Variants in PKNOX2 observed in about 807,000 individuals in gnomAD.
PKNOX2 encodes the protein homeobox protein PKNOX2.
Under a neutral mutation model 53.1 loss-of-function variants are expected in PKNOX2, and 14 were observed. The ratio of observed to expected loss-of-function variants is 0.26; its 90% confidence interval spans 0.17 to 0.41. The LOEUF (loss-of-function observed/expected upper bound fraction) is 0.41, where lower values mean the gene tolerates loss of function less well. Ranked by LOEUF, PKNOX2 falls within the 10% of genes least tolerant of loss-of-function variation. The probability of loss-of-function intolerance (pLI) is 1.00; values close to 1 mark genes in which losing one functional copy is unlikely to be tolerated. For missense variants in PKNOX2, 496 were observed against 602.8 expected (o/e 0.82, Z 1.85); for synonymous variants, 257 against 242.8 (o/e 1.06, Z -0.54).
chr11:125,413,564 G>C (rs1955693216), intron 10 of PKNOX2, among the ~76,000 whole-genome samples: 1 of 152,192 alleles, frequency 6.6e-6, no homozygotes, highest in Non-Finnish European at 1.5e-5. Context: ...TCATTGTGGT[G>C]GGTGACATAC....
intron 3 of PKNOX2, among the ~76,000 whole-genome samples, chr11:125,334,882 G>A (rs1950348101): frequency 6.6e-6 from 1 of 152,076 alleles, no homozygotes; most frequent in Non-Finnish European, 1.5e-5. Context: ...GTGATTACAG[G>A]CATGAGCCAC....
chr11:125,242,445 T>C (rs1943233674), intron 2 of PKNOX2, among the ~76,000 whole-genome samples: 1 of 152,122 alleles, frequency 6.6e-6, no homozygotes, highest in Non-Finnish European at 1.5e-5. Context: ...GGTTCATACA[T>C]GTTCTAGGAT....
intron 4 of PKNOX2, among the ~76,000 whole-genome samples, chr11:125,356,568 TC>T (rs764787629): frequency 3.3e-5 from 5 of 152,178 alleles, no homozygotes; most frequent in Non-Finnish European, 7.3e-5. Context: ...GAGAATGGTG[TC>T]TGGGACTCCA....
intron 2 of PKNOX2, among the ~76,000 whole-genome samples, chr11:125,302,467 TAGCC>T (rs1263533374): frequency 3.9e-5 from 6 of 152,210 alleles, no homozygotes; most frequent in South Asian, 2.1e-4. Flanking sequence ...TCACAGCCTT[TAGCC>T]GGCTGGCCCA....
At chr11:125,197,822 G>C (rs1208222266) in intron 1 of PKNOX2, among the ~76,000 whole-genome samples, 2 of 152,142 alleles carry the variant, frequency 1.3e-5, no homozygotes, top group Non-Finnish European at 2.9e-5. Context: ...GTGATCTCAG[G>C]GTGGGTCATC....
rs776657292 is a variant in PKNOX2 at position 125,410,810 on chromosome 11, A to G, written c.750A>G (p.Val250=). The G allele has an allele frequency of 1.4e-5, 22 of 1,613,886 alleles. No homozygotes were observed. Among genetic ancestry groups the G allele is most frequent in the Non-Finnish European group, 1.6e-5 (19 of 1,179,988 alleles). Residue 250 remains valine, a synonymous_variant, in exon 9 of 13, where the codon GTA becomes GTG. Transcript: ENST00000298282. ...GGALYQPVTM[V]TSQGQVVTQA... ...CCTTATACCAACCGGTTACCATGGT[A>G]ACCTCCCAGGGTCAGGTGGTCACCC...
intron 1 of PKNOX2, among the ~76,000 whole-genome samples, chr11:125,168,154 C>G (rs557758917): frequency 9.9e-5 from 15 of 152,236 alleles, no homozygotes; most frequent in Non-Finnish European, 2.1e-4. Flanking sequence ...CTTTGCCTCG[C>G]GTTTAGTAAG....
intron 2 of PKNOX2, among the ~76,000 whole-genome samples, chr11:125,310,182 C>T (rs1264618257): frequency 1.3e-5 from 2 of 152,016 alleles, no homozygotes; most frequent in African/African-American, 4.8e-5. Context: ...GGTTCTTGGT[C>T]ATCTCTTCTT....
chr11:125,319,247 TA>T (rs1175500581), intron 2 of PKNOX2, among the ~76,000 whole-genome samples: 1 of 152,188 alleles, frequency 6.6e-6, no homozygotes, highest in Non-Finnish European at 1.5e-5. Flanking sequence ...CACCATCTTA[TA>T]GGGGTACATT....
At chr11:125,205,812 C>A (rs555301098) in intron 1 of PKNOX2, among the ~76,000 whole-genome samples, 3 of 152,174 alleles carry the variant, frequency 2.0e-5, no homozygotes, top group Non-Finnish European at 4.4e-5. Context: ...TGTAACCTAA[C>A]CCCTAACTTC....
chr11:125,296,374 G>A (rs1175854655), intron 2 of PKNOX2, among the ~76,000 whole-genome samples: 1 of 152,092 alleles, frequency 6.6e-6, no homozygotes, highest in Non-Finnish European at 1.5e-5. Flanking sequence ...TGCTCACTCT[G>A]TTCCAGCTGC....
chr11:125,282,671 G>A (rs1012062041), intron 2 of PKNOX2, among the ~76,000 whole-genome samples: 4 of 152,186 alleles, frequency 2.6e-5, no homozygotes, highest in Admixed American at 6.5e-5. Flanking sequence ...ATAGGTATCC[G>A]GCTTTGTTTA....
At chr11:125,168,476 T>G (rs549242120) in intron 1 of PKNOX2, among the ~76,000 whole-genome samples, 8 of 152,364 alleles carry the variant, frequency 5.3e-5, no homozygotes, top group African/African-American at 1.9e-4. Flanking sequence ...ATGAAATAAG[T>G]AGAATTACTG....
intron 7 of PKNOX2, among the ~76,000 whole-genome samples, chr11:125,400,329 G>T (rs1954668757): frequency 6.6e-6 from 1 of 152,158 alleles, no homozygotes; most frequent in Non-Finnish European, 1.5e-5. Context: ...CATAGGCTAT[G>T]ACAGGAGCTT....
chr11:125,297,808 C>T (rs1037164935), intron 2 of PKNOX2, among the ~76,000 whole-genome samples: 1 of 152,206 alleles, frequency 6.6e-6, no homozygotes, highest in Non-Finnish European at 1.5e-5. Context: ...CCTTGAGGCT[C>T]AGCTCAGCGT....
chr11:125,289,250 G>A (rs1008793272), intron 2 of PKNOX2, among the ~76,000 whole-genome samples: 5 of 152,202 alleles, frequency 3.3e-5, no homozygotes, highest in African/African-American at 7.2e-5. Flanking sequence ...TGGGGAGAAG[G>A]AGATGAGCCT....
At chr11:125,183,198 C>CTTTTTT (rs10676031) in intron 1 of PKNOX2, among the ~76,000 whole-genome samples, 2 of 85,856 alleles carry the variant, frequency 2.3e-5, no homozygotes, top group African/African-American at 1.2e-4. Flanking sequence ...GCGATGAATC[C>CTTTTTT]TTTTTTTTTT....
chr11:125,356,154 T>G (rs1429442314), intron 4 of PKNOX2, among the ~76,000 whole-genome samples: 6 of 152,156 alleles, frequency 3.9e-5, no homozygotes, highest in African/African-American at 1.4e-4. Flanking sequence ...ATTCAATGTT[T>G]AGTATGCTTC....
rs527433809 is a variant in PKNOX2 at position 125,330,000 on chromosome 11, G to T, written c.-129-1819G>T. ...CTCACGGCTGTGTCGGCAGTGCCTG[G>T]CATGGATGAGACCTTGAAGAGCATG... is the stretch of plus-strand genomic sequence containing the variant. On this transcript the variant is annotated intron_variant, in intron 2 of 12. Coordinates refer to ENST00000298282, the MANE Select transcript of PKNOX2 (RefSeq NM_001382323.2). Among the ~76,000 whole-genome samples, 631 of 152,338 alleles carry T rather than the reference G, an allele frequency of 4.1e-3. 5 individuals carry two copies. The highest frequency in any genetic ancestry group is 0.014 in the African/African-American group (572 of 41,572).
Sources: allele counts gnomAD v4.1 joint callset (sites outside exome capture counted in the v4.1 genomes callset), GRCh38; gene constraint gnomAD v4.1.1; transcripts MANE v1.5; gene names NCBI Gene and HGNC (gene_info 2026-07-23, HGNC 2026-07-21).